CNNM4: variants seen among roughly 807,000 people sequenced by gnomAD.
CNNM4 encodes metal transporter CNNM4.
Under a neutral mutation model 53.7 loss-of-function variants are expected in CNNM4, and 32 were observed. The ratio of observed to expected loss-of-function variants is 0.60; its 90% CI spans 0.45 to 0.80. The LOEUF is 0.80. Among genes scored for constraint, CNNM4 ranks in the 30% least tolerant of loss-of-function variants. The probability of loss-of-function intolerance (pLI) is 0.00; values close to 1 mark genes in which losing one functional copy is unlikely to be tolerated. For missense variants in CNNM4, 784 were observed against 1,022.0 expected, an observed-to-expected ratio of 0.77 and a Z score of 3.17; for synonymous variants, 410 against 440.0, an observed-to-expected ratio of 0.93 and a Z score of 0.85.
At chr2:96,768,827 G>C (rs539225467) in intron 1 of CNNM4, among the ~76,000 whole-genome samples, 8 of 152,320 alleles carry the variant, frequency 5.3e-5, no homozygotes, top group South Asian at 2.1e-4. Flanking sequence ...ATTTCTGACA[G>C]GTTCTCAGAT....
Position 96,808,749 on chromosome 2 carries a change from GCCTCACTGC to G in CNNM4, c.2130+11_2130+19del. ...GGACTTGCAGTACATCAAGGTGAGT[GCCTCACTGC>G]CCTGTCTGGGCAGTGCTATCTTCTG... On this transcript the variant is annotated splice_region_variant and intron_variant, in intron 6 of 6. Coordinates refer to ENST00000377075, the MANE Select transcript of CNNM4 (RefSeq NM_020184.4). This position sits in a 1 kb window ranked among gnomAD's most constrained non-coding sequence, Gnocchi z 4.9. 1 of 1,613,628 alleles carries G rather than the reference GCCTCACTGC, an allele frequency of 6.2e-7. No homozygotes were observed. Among genetic ancestry groups the G allele is most frequent in the South Asian group, 1.1e-5 (1 of 91,076 alleles).
At chr2:96,786,573 G>C (rs566709004) in intron 1 of CNNM4, among the ~76,000 whole-genome samples, 12 of 152,030 alleles carry the variant, frequency 7.9e-5, no homozygotes, top group Non-Finnish European at 1.5e-4. Flanking sequence ...GAGGTCAGGA[G>C]TTCCAGACCA....
chr2:96,806,314 G>T (rs779529961), intron 5 of CNNM4, among the ~76,000 whole-genome samples: 5 of 152,014 alleles, frequency 3.3e-5, no homozygotes, highest in African/African-American at 9.7e-5. Flanking sequence ...GATAACGTCA[G>T]TCATAAAGAC....
chr2:96,766,917 C>T (rs1574052085), intron 1 of CNNM4, among the ~76,000 whole-genome samples: 1 of 152,264 alleles, frequency 6.6e-6, no homozygotes, highest in Non-Finnish European at 1.5e-5. Flanking sequence ...TCCAGCCACA[C>T]AGGACAGACA....
chr2:96,798,690 A>C (rs907918109), intron 3 of CNNM4, among the ~76,000 whole-genome samples: 5 of 152,182 alleles, frequency 3.3e-5, no homozygotes, highest in African/African-American at 1.2e-4. Flanking sequence ...ATATATGGAC[A>C]GCACATATAT....
intron 5 of CNNM4, among the ~76,000 whole-genome samples, chr2:96,803,178 C>T (rs1180226360): frequency 6.6e-6 from 1 of 152,118 alleles, no homozygotes; most frequent in East Asian, 1.9e-4. Flanking sequence ...TGACCTCAGC[C>T]TCCCTCCCCT....
Position 96,801,237 on chromosome 2 carries a change from A to C in CNNM4, c.1948+1589A>C. 1.7e-6 allele frequency: 1 copy of C among 590,252 alleles called. No homozygotes were observed. Among genetic ancestry groups the C allele is most frequent in the Non-Finnish European group, 2.1e-6 (1 of 468,636 alleles). The allele number at this position is 590,252 out of a possible 1,614,324, so 36.6% of individuals were successfully genotyped here. A position where few individuals can be genotyped will look rare whatever the true frequency, so the allele number is the denominator to read the frequency against. ...ATGGACCCGGACCCCCGCCTGCTCA[A>C]TGTGGGCCGCCAGACCTCAGTGGCT... is the stretch of plus-strand genomic sequence containing the variant. On this transcript the variant is annotated intron_variant, in intron 5 of 6. Coordinates refer to ENST00000377075, the MANE Select transcript of CNNM4 (RefSeq NM_020184.4). This position sits in a 1 kb window ranked among gnomAD's most constrained non-coding sequence, Gnocchi z 5.6.
intron 3 of CNNM4, 136 bp from the exon 4 acceptor site, chr2:96,798,921 C>T (rs976068293): frequency 1.5e-5 from 13 of 857,250 alleles, no homozygotes; most frequent in Non-Finnish European, 2.3e-5. Context: ...AGGTGCAGAA[C>T]GAGGGCCGGC....
rs1456706937 is a variant in CNNM4 at position 96,810,473 on chromosome 2, G to A, written c.*956G>A. 2.6e-5 allele frequency: 4 copies of A among 152,656 alleles called. No homozygotes were observed. Among genetic ancestry groups the A allele is most frequent in the Non-Finnish European group, 5.9e-5 (4 of 68,072 alleles). The allele number at this position is 152,656 out of a possible 1,614,324, so 9.5% of individuals were successfully genotyped here. A position where few individuals can be genotyped will look rare whatever the true frequency, so the allele number is the denominator to read the frequency against. ...GTGATTTGTCTGGGTTCTTCCTTTTGGTTCCAGAAGGAACTGTCAGTCATC... is the reference window on the plus strand; with the variant it reads ...GTGATTTGTCTGGGTTCTTCCTTTTAGTTCCAGAAGGAACTGTCAGTCATC... On this transcript the variant is annotated 3_prime_UTR_variant, in exon 7 of 7. Coordinates refer to ENST00000377075, the MANE Select transcript of CNNM4 (RefSeq NM_020184.4). The surrounding 1 kb of genome is among the most constrained non-coding windows in gnomAD (Gnocchi z 4.1).
chr2:96,774,960 C>CA lies in CNNM4; in HGVS notation c.1402+12597dup, dbSNP rs56997097. On this transcript the variant is annotated intron_variant, in intron 1 of 6. Transcript: ENST00000377075. ...TGGGAGACAGAGTGAGACTCCATCTCAAAAAAAAAAAAAAAAAAAAAAAAA... is the reference window on the plus strand; with the variant it reads ...TGGGAGACAGAGTGAGACTCCATCTCAAAAAAAAAAAAAAAAAAAAAAAAAA... Among the ~76,000 whole-genome samples, 35 of 17,690 alleles carry CA rather than the reference C, an allele frequency of 2.0e-3. 11 individuals are homozygous for CA. The highest frequency in any genetic ancestry group is 0.077 in the Middle Eastern group (2 of 26). The allele number at this position is 17,690 out of a possible 152,430, so 11.6% of individuals were successfully genotyped here. A position where few individuals can be genotyped will look rare whatever the true frequency, so the allele number is the denominator to read the frequency against.
intron 1 of CNNM4, among the ~76,000 whole-genome samples, chr2:96,790,668 T>G (rs1391900110): frequency 1.3e-5 from 2 of 151,364 alleles, no homozygotes; most frequent in Non-Finnish European, 3.0e-5. Context: ...GGATGTGTTT[T>G]TTTTTTCTCA....
chr2:96,781,114 G>T (rs1438070541), intron 1 of CNNM4, among the ~76,000 whole-genome samples: 1 of 151,264 alleles, frequency 6.6e-6, no homozygotes, highest in Non-Finnish European at 1.5e-5. Context: ...GAGTAGCTGG[G>T]ACTACAGGCA....
chr2:96,781,061 C>T (rs891370330), intron 1 of CNNM4, among the ~76,000 whole-genome samples: 6 of 146,308 alleles, frequency 4.1e-5, no homozygotes, highest in African/African-American at 1.3e-4. Context: ...TCACTGCAAG[C>T]TCCGCCTCCC....
intron 1 of CNNM4, among the ~76,000 whole-genome samples, chr2:96,766,898 G>A (rs797017510): frequency 1.3e-5 from 2 of 152,138 alleles, no homozygotes; most frequent in African/African-American, 4.8e-5. Context: ...CACTTACCGG[G>A]TTCAGAGTTC....
At chr2:96,765,450 CCAGAGT>C (rs1182862512) in intron 1 of CNNM4, among the ~76,000 whole-genome samples, 1 of 152,060 alleles carries the variant, frequency 6.6e-6, no homozygotes, top group Non-Finnish European at 1.5e-5. Flanking sequence ...GTTAACAGCA[CCAGAGT>C]CAGAGCTGGG....
Position 96,809,470 on chromosome 2 carries a change from G to A in CNNM4, c.2281G>A (p.Glu761Lys), listed in dbSNP as rs768755422. The change falls in exon 7 of 7, where the codon GAG becomes AAG. Residue 761 changes from glutamate (E) to lysine (K), a missense_variant. Coordinates refer to ENST00000377075, the MANE Select transcript of CNNM4 (RefSeq NM_020184.4). Reference sequence around the variant, plus strand: ...GGACGAGACCACAACTCTTCTCAACGAGCGTAACTCCTTGCTGCACAAAGC... The same window carrying A: ...GGACGAGACCACAACTCTTCTCAACAAGCGTAACTCCTTGCTGCACAAAGC... ...VVDETTTLLN[E>K]RNSLLHKASH... 1.1e-5 allele frequency: 18 copies of A among 1,614,082 alleles called. No homozygotes were observed. Among genetic ancestry groups the A allele is most frequent in the Admixed American group, 1.7e-5 (1 of 60,010 alleles).
At chr2:96,802,054 C>T (rs1255849281) in intron 5 of CNNM4, among the ~76,000 whole-genome samples, 1 of 151,366 alleles carries the variant, frequency 6.6e-6, no homozygotes, top group African/African-American at 2.4e-5. Context: ...CAGACACACA[C>T]AGATACACAT....
Position 96,761,108 on chromosome 2 carries a change from G to T in CNNM4, c.109G>T (p.Gly37Cys), listed in dbSNP as rs2078756459. The T allele has an allele frequency of 1.3e-6, 2 of 1,557,138 alleles. No homozygotes were observed. Among genetic ancestry groups the T allele is most frequent in the African/African-American group, 2.7e-5 (2 of 73,798 alleles). Residue 37 changes from glycine (G) to cysteine (C), a missense_variant, in exon 1 of 7, where the codon GGC becomes TGC. Around this residue, in one of 3 missense-constraint regions of CNNM4, gnomAD observed 473 missense variants for 624.6 expected, o/e 0.76. Coordinates refer to ENST00000377075, the MANE Select transcript of CNNM4 (RefSeq NM_020184.4). This position sits in a 1 kb window ranked among gnomAD's most constrained non-coding sequence, Gnocchi z 6.0. ...LVLLWALGAR[G>C]QGSPQQGTIV... Reference sequence around the variant, plus strand: ...GCTGCTGTGGGCGCTGGGGGCCCGGGGCCAGGGCAGCCCCCAGCAGGGCAC... The same window carrying T: ...GCTGCTGTGGGCGCTGGGGGCCCGGTGCCAGGGCAGCCCCCAGCAGGGCAC...
chr2:96,795,163 G>A (rs980929183), intron 1 of CNNM4, among the ~76,000 whole-genome samples: 6 of 152,240 alleles, frequency 3.9e-5, no homozygotes, highest in Non-Finnish European at 7.3e-5. Context: ...ATCCCCATGT[G>A]GTGACATGGT....
Sources: allele counts gnomAD v4.1 joint callset (sites outside exome capture counted in the v4.1 genomes callset), GRCh38; gene constraint gnomAD v4.1.1; regional missense constraint gnomAD v4.1.1; non-coding constraint Gnocchi (gnomAD v3.1); transcripts MANE v1.5; gene names NCBI Gene and HGNC (gene_info 2026-07-23, HGNC 2026-07-21).